DMD: variants seen among roughly 807,000 people sequenced by gnomAD.
DMD encodes the protein mutant dystrophin.
Under a neutral mutation model 330.1 loss-of-function variants are expected in DMD, and 63 were observed. The observed-to-expected ratio is 0.19, with a 90% CI of 0.16 to 0.24. DMD has a LOEUF of 0.24. DMD is among the 10% of genes least tolerant of loss of function. The pLI, the probability that DMD is intolerant of heterozygous loss-of-function variation, is 1.00. For synonymous variants in DMD, 1,223 were observed against 959.8 expected, an observed-to-expected ratio of 1.27 and a Z score of -5.07; for missense variants, 3,344 against 2,684.1, an observed-to-expected ratio of 1.25 and a Z score of -5.43.
chrX:32,420,857 T>A (rs1162911600), intron 29 of DMD, among the ~76,000 whole-genome samples: 1 of 111,638 alleles, frequency 9.0e-6, no homozygotes, highest in Non-Finnish European at 1.9e-5. Flanking sequence ...CCTTGATAAC[T>A]AGAAATGGTG....
Position 33,009,820 on chromosome X carries a change from GTGTATATGTGTGTATATGTGTATATA to G in DMD, c.93+10293_93+10318del, listed in dbSNP as rs2093611572. Among the ~76,000 whole-genome samples, 16 of 14,195 alleles carry G rather than the reference GTGTATATGTGTGTATATGTGTATATA, an allele frequency of 1.1e-3. 1 individual carries two copies. Among genetic ancestry groups the G allele is most frequent in the Non-Finnish European group, 2.2e-3 (14 of 6,465 alleles). 12.3% of individuals were successfully genotyped at this position (14,195 alleles called of 115,157 possible). A position where few individuals can be genotyped will look rare whatever the true frequency, so the allele number is the denominator to read the frequency against. ...TGTATATGTGTATATACACACATAT[GTGTATATGTGTGTATATGTGTATATA>G]CACACATATGTGTATATGTGTGTAT... On this transcript the variant is annotated intron_variant, in intron 2 of 78. Transcript: ENST00000357033.
At chrX:31,370,232 CT>C (rs1414217804) in intron 60 of DMD, among the ~76,000 whole-genome samples, 1 of 111,044 alleles carries the variant, frequency 9.0e-6, no homozygotes, top group Non-Finnish European at 1.9e-5. Context: ...AATTAAAATT[CT>C]TTTTCATCCC....
intron 13 of DMD, among the ~76,000 whole-genome samples, chrX:32,590,745 A>C (rs1478359315): frequency 9.0e-6 from 1 of 111,017 alleles, no homozygotes; most frequent in Non-Finnish European, 1.9e-5. Flanking sequence ...TTGGCCTCAC[A>C]CTGAGAGCTG....
At chrX:32,834,289 A>T (rs1178773668) in intron 4 of DMD, among the ~76,000 whole-genome samples, 1 of 111,648 alleles carries the variant, frequency 9.0e-6, no homozygotes, top group Non-Finnish European at 1.9e-5. Context: ...TAACAAATTA[A>T]ATTTGGAATT....
chrX:32,067,517 C>T (rs1281128846), intron 44 of DMD, among the ~76,000 whole-genome samples: 1 of 110,557 alleles, frequency 9.0e-6, no homozygotes, highest in East Asian at 2.9e-4. Flanking sequence ...TTCCTTTCCC[C>T]TTCTATTAGT....
intron 2 of DMD, 105 bp from the exon 3 acceptor site, chrX:32,849,925 G>C (rs2080997609): frequency 1.5e-6 from 1 of 645,203 alleles, no homozygotes; most frequent in African/African-American, 2.2e-5. Flanking sequence ...AGGATAATTA[G>C]TGTGCATAAT....
At chrX:32,391,290 G>A (rs943350045) in intron 30 of DMD, among the ~76,000 whole-genome samples, 11 of 111,097 alleles carry the variant, frequency 9.9e-5, no homozygotes, top group Admixed American at 3.8e-4. Context: ...ACGTATATTA[G>A]TGTAAGTGAA....
chrX:31,471,685 T>C (rs1040648325), intron 59 of DMD, among the ~76,000 whole-genome samples: 1 of 112,507 alleles, frequency 8.9e-6, no homozygotes, highest in African/African-American at 3.2e-5. Context: ...AGATATTCTA[T>C]TGAAAAGCTA....
intron 43 of DMD, among the ~76,000 whole-genome samples, chrX:32,247,123 C>T (rs2097242645): frequency 9.0e-6 from 1 of 111,715 alleles, no homozygotes; most frequent in Admixed American, 9.5e-5. Flanking sequence ...TAAAATTTTA[C>T]ATCATGAAAA....
intron 25 of DMD, among the ~76,000 whole-genome samples, chrX:32,461,496 G>T (rs1427679591): frequency 9.0e-6 from 1 of 111,309 alleles, no homozygotes; most frequent in African/African-American, 3.3e-5. Flanking sequence ...CTATGCAACA[G>T]ATGAGTGTGT....
chrX:33,066,009 T>C (rs1384203125), intron 1 of DMD, among the ~76,000 whole-genome samples: 3 of 109,320 alleles, frequency 2.7e-5, no homozygotes, highest in Admixed American at 2.0e-4. Flanking sequence ...ATTTCATGAA[T>C]TGACACAACT....
At chrX:32,917,997 G>T (rs990116763) in intron 2 of DMD, among the ~76,000 whole-genome samples, 1 of 105,178 alleles carries the variant, frequency 9.5e-6, no homozygotes, top group Non-Finnish European at 2.0e-5. Flanking sequence ...AAAAAAAAAA[G>T]AAAGAAAAGG....
At chrX:33,157,524 A>G (rs2048562393) in intron 1 of DMD, among the ~76,000 whole-genome samples, 1 of 112,453 alleles carries the variant, frequency 8.9e-6, no homozygotes, top group African/African-American at 3.2e-5. Context: ...TATCTAACCC[A>G]GTGCACGTGA....
intron 15 of DMD, among the ~76,000 whole-genome samples, chrX:32,570,447 G>T (rs990126546): frequency 4.5e-5 from 5 of 111,717 alleles, no homozygotes; most frequent in African/African-American, 1.3e-4. Context: ...TAATCCTATT[G>T]GAAAATTATT....
chrX:32,501,777 G>A lies in DMD; in HGVS notation c.2358C>T (p.Ala786=), dbSNP rs2044078519. ...KLQDASRSAQ[A]LVEQMVNEGV... is the part of the protein sequence containing the mutation. ...TACCATTCACCATCTGTTCCACCAGGGCCTGAGCTGATCTGCTGGCATCTT... is the reference window on the plus strand; with the variant it reads ...TACCATTCACCATCTGTTCCACCAGAGCCTGAGCTGATCTGCTGGCATCTT... Residue 786 remains alanine (A), a synonymous_variant, in exon 19 of 79, where the codon GCC becomes GCT. Coordinates refer to ENST00000357033, the MANE Select transcript of DMD (RefSeq NM_004006.3). The A allele has an allele frequency of 8.3e-7, 1 of 1,208,193 alleles. No individual in the cohort carries two copies. The highest frequency in any genetic ancestry group is 1.7e-5 in the African/African-American group (1 of 57,643).
At chrX:33,039,176 A>G (rs1009891127) in intron 1 of DMD, among the ~76,000 whole-genome samples, 2 of 111,305 alleles carry the variant, frequency 1.8e-5, no homozygotes, top group Admixed American at 9.6e-5. Context: ...AATCATTCAT[A>G]AAAGTGTGAG....
intron 9 of DMD, among the ~76,000 whole-genome samples, chrX:32,655,496 TGA>T (rs750407953): frequency 3.6e-5 from 4 of 112,413 alleles, no homozygotes; most frequent in East Asian, 5.6e-4. Context: ...AACTGTGGTC[TGA>T]GAGACACTTT....
intron 30 of DMD, among the ~76,000 whole-genome samples, chrX:32,404,164 T>A (rs1029705490): frequency 8.9e-6 from 1 of 112,151 alleles, no homozygotes. Flanking sequence ...CACGGGAAGA[T>A]TGCAATTACG....
At chrX:31,139,474 TACACACAC>T (rs57784155) in intron 76 of DMD, among the ~76,000 whole-genome samples, 12 of 98,591 alleles carry the variant, frequency 1.2e-4, no homozygotes, top group Admixed American at 3.4e-4. Context: ...GGTGTTTATA[TACACACAC>T]ACACACACAC....
Sources: gnomAD v4.1 joint callset for allele counts (sites outside exome capture counted in the v4.1 genomes callset) on GRCh38, gnomAD v4.1.1 for gene constraint, MANE v1.5 for transcripts, NCBI Gene and HGNC (gene_info 2026-07-23, HGNC 2026-07-21) for gene names.